Variants in TMEM230 observed in about 807,000 individuals in gnomAD.
TMEM230 encodes the protein transmembrane protein 230.
TMEM230 carries 10 observed loss-of-function variants against 15.8 expected under a neutral mutation model. The observed-to-expected ratio is 0.63, with a 90% CI of 0.39 to 1.07. TMEM230 has a LOEUF of 1.07. Among genes scored for constraint, TMEM230 ranks in the 50% least tolerant of loss-of-function variants. The probability of loss-of-function intolerance (pLI) is 0.01; values close to 1 mark genes in which losing one functional copy is unlikely to be tolerated. For missense variants in TMEM230, 165 were observed against 193.3 expected (o/e 0.85, Z 0.87); for synonymous variants, 67 against 76.9 (o/e 0.87, Z 0.68).
chr20:5,065,030 G>A (rs1036076258), downstream of TMEM230, among the ~76,000 whole-genome samples: 1 of 151,766 alleles, frequency 6.6e-6, no homozygotes, highest in African/African-American at 2.4e-5. Context: ...AAACCAAAAA[G>A]ATATCTTTTT....
chr20:5,103,385 G>A (rs2089947234), intron 4 of TMEM230, among the ~76,000 whole-genome samples: 1 of 152,084 alleles, frequency 6.6e-6, no homozygotes, highest in Admixed American at 6.6e-5. Context: ...GATCGACTGA[G>A]CCCTGAAGAT....
chr20:5,112,570 A>T (rs1389255711), intron 1 of TMEM230: 3 of 630,710 alleles, frequency 4.8e-6, no homozygotes, highest in Non-Finnish European at 6.6e-6. Flanking sequence ...CGGGAAAAAT[A>T]AAAACGAGCA....
rs191127079 is a variant in TMEM230 at position 5,111,588 on chromosome 20, G to A, written c.86C>T (p.Ser29Leu). The change falls in exon 2 of 5, where the codon TCG (serine) becomes TTG (leucine). Residue 29 changes from serine (S) to leucine (L), a missense_variant. Ser to Leu is a moderately radical substitution (Grantham distance 145, BLOSUM62 -2). Coordinates refer to ENST00000342308, the MANE Select transcript of TMEM230 (RefSeq NM_001009923.2). ...CACACCACTGGGCTCCAGCCTGGGCGACAGAACTAGACTCCATCTAAAAAA... is the reference window on the plus strand; with the variant it reads ...CACACCACTGGGCTCCAGCCTGGGCAACAGAACTAGACTCCATCTAAAAAA... The A allele has an allele frequency of 2.2e-3, 260 of 120,746 alleles. No individual in the cohort carries two copies. The highest frequency in any genetic ancestry group is 8.0e-3 in the African/African-American group (235 of 29,352). The allele number at this position is 120,746 out of a possible 1,614,324, so 7.5% of individuals were successfully genotyped here. A position where few individuals can be genotyped will look rare whatever the true frequency, so the allele number is the denominator to read the frequency against.
At chr20:5,062,217 C>T in the TMEM230 span, among the ~76,000 whole-genome samples, 10 of 148,190 alleles carry the variant, frequency 6.7e-5, no homozygotes, top group East Asian at 5.9e-4. Flanking sequence ...AGTGAAACTC[C>T]GTCTCAAAAA....
intron 3 of TMEM230, among the ~76,000 whole-genome samples, chr20:5,077,757 C>T (rs2089048712): frequency 6.6e-6 from 1 of 151,916 alleles, no homozygotes; most frequent in African/African-American, 2.4e-5. Flanking sequence ...TCACTTGAAC[C>T]TGGGAGGCAG....
At chr20:5,078,633 G>A (rs1404389877) in intron 3 of TMEM230, among the ~76,000 whole-genome samples, 1 of 152,112 alleles carries the variant, frequency 6.6e-6, no homozygotes, top group Non-Finnish European at 1.5e-5. Flanking sequence ...CGTGGCAGAG[G>A]GAAAGTGAAA....
Position 5,109,314 on chromosome 20 carries a change from G to T in TMEM230, c.288+18C>A. ...GAAACACAGCCAGTCAGTCTTGTCA[G>T]TTCTCTTCTGCATTTACCTGAAGGT... is the stretch of plus-strand genomic sequence containing the variant. On this transcript the variant is annotated intron_variant, in intron 3 of 4. Coordinates refer to ENST00000342308, the MANE Select transcript of TMEM230 (RefSeq NM_001009923.2). 1 of 1,592,388 alleles carries T rather than the reference G, an allele frequency of 6.3e-7. No individual in the cohort carries two copies. The highest frequency in any genetic ancestry group is 8.6e-7 in the Non-Finnish European group (1 of 1,163,470).
chr20:5,069,699 C>CCCTTTCCTTTT (rs1320301571), intron 3 of TMEM230, among the ~76,000 whole-genome samples: 1 of 151,888 alleles, frequency 6.6e-6, no homozygotes, highest in Non-Finnish European at 1.5e-5. Context: ...CCCTTCCCTT[C>CCCTTTCCTTTT]CCTTTCCTTT....
At chr20:5,093,367 C>G (rs2089565199) in intron 3 of TMEM230, among the ~76,000 whole-genome samples, 1 of 151,610 alleles carries the variant, frequency 6.6e-6, no homozygotes, top group Non-Finnish European at 1.5e-5. Context: ...CCCATCTCAG[C>G]CTCCTGAGTA....
At chr20:5,104,813 C>G (rs989025704) in intron 4 of TMEM230, among the ~76,000 whole-genome samples, 1 of 151,958 alleles carries the variant, frequency 6.6e-6, no homozygotes, top group Non-Finnish European at 1.5e-5. Context: ...TTTGCGGGAA[C>G]TAAAAATTAA....
intron 3 of TMEM230, among the ~76,000 whole-genome samples, chr20:5,070,655 T>A (rs1274845187): frequency 6.6e-6 from 1 of 152,210 alleles, no homozygotes; most frequent in East Asian, 1.9e-4. Flanking sequence ...CTAATTCAAG[T>A]GTAAGTGAAA....
chr20:5,062,913 A>T, the TMEM230 span, among the ~76,000 whole-genome samples: 2 of 152,202 alleles, frequency 1.3e-5, no homozygotes, highest in African/African-American at 4.8e-5. Context: ...GAAGAAGACA[A>T]TACTAGCTTT....
intron 3 of TMEM230, among the ~76,000 whole-genome samples, chr20:5,086,625 T>A (rs1023721402): frequency 6.6e-6 from 1 of 151,280 alleles, no homozygotes. Context: ...AAGAATACAA[T>A]GACAGATTGT....
Position 5,106,317 on chromosome 20 carries a change from G to T in TMEM230, c.289-7C>A. 1 of 1,590,316 alleles carries T rather than the reference G, an allele frequency of 6.3e-7. No individual in the cohort carries two copies. The highest frequency in any genetic ancestry group is 8.5e-7 in the Non-Finnish European group (1 of 1,172,386). On this transcript the variant is annotated splice_polypyrimidine_tract_variant and splice_region_variant and intron_variant, in intron 3 of 4. Coordinates refer to ENST00000342308, the MANE Select transcript of TMEM230 (RefSeq NM_001009923.2). ...TAGGAGGGGTTTTCTTAAACTGGAA[G>T]AGAAATAGAGATGAAAAAGACAACG...
At chr20:5,093,985 G>C (rs961913897) in intron 3 of TMEM230, among the ~76,000 whole-genome samples, 1 of 151,230 alleles carries the variant, frequency 6.6e-6, no homozygotes, top group Non-Finnish European at 1.5e-5. Flanking sequence ...ATGGAGTCTC[G>C]CTCTGTCGCC....
chr20:5,072,741 C>T (rs760361770), intron 3 of TMEM230, among the ~76,000 whole-genome samples: 19 of 148,540 alleles, frequency 1.3e-4, no homozygotes, highest in Non-Finnish European at 1.2e-4. Flanking sequence ...CCCAGCTACA[C>T]GGGAGGCTGA....
chr20:5,076,465 C>G (rs1310339390), intron 3 of TMEM230, among the ~76,000 whole-genome samples: 1 of 151,082 alleles, frequency 6.6e-6, no homozygotes, highest in Non-Finnish European at 1.5e-5. Context: ...CACTTGCACC[C>G]ATGAGGTGGA....
intron 2 of TMEM230, among the ~76,000 whole-genome samples, chr20:5,110,827 T>C (rs1438262139): frequency 6.6e-6 from 1 of 152,246 alleles, no homozygotes; most frequent in Non-Finnish European, 1.5e-5. Context: ...ATGGCTATTA[T>C]GTCACTAGTT....
the TMEM230 span, among the ~76,000 whole-genome samples, chr20:5,059,812 G>C: frequency 8.2e-6 from 1 of 121,430 alleles, no homozygotes; most frequent in Non-Finnish European, 1.6e-5. Context: ...GTCTCGCTCT[G>C]TCGCCCAGGC....
Sources: allele counts gnomAD v4.1 joint callset (sites outside exome capture counted in the v4.1 genomes callset), GRCh38; gene constraint gnomAD v4.1.1; transcripts MANE v1.5; gene names NCBI Gene and HGNC (gene_info 2026-07-23, HGNC 2026-07-21).